PTBP3: variants seen among roughly 807,000 people sequenced by gnomAD.
PTBP3 encodes the protein polypyrimidine tract binding protein 3.
A neutral mutation model predicts 58.7 loss-of-function variants in PTBP3; 20 were observed. The observed-to-expected ratio is 0.34, with a 90% CI of 0.24 to 0.50. The LOEUF is 0.50. PTBP3 is among the 20% of genes least tolerant of loss of function. The pLI, the probability that PTBP3 is intolerant of heterozygous loss-of-function variation, is 0.98. For synonymous variants in PTBP3, 185 were observed against 219.8 expected, an observed-to-expected ratio of 0.84 and a Z score of 1.40; for missense variants, 509 against 637.2, an observed-to-expected ratio of 0.80 and a Z score of 2.17.
At chr9:112,235,676 T>A (rs1835412850) in intron 7 of PTBP3, among the ~76,000 whole-genome samples, 2 of 152,136 alleles carry the variant, frequency 1.3e-5, no homozygotes, top group African/African-American at 4.8e-5. Flanking sequence ...CAGATTATTG[T>A]AAGTAAACAC....
chr9:112,323,946 T>TA (rs986376005), intron 1 of PTBP3, among the ~76,000 whole-genome samples: 27 of 151,884 alleles, frequency 1.8e-4, no homozygotes, highest in Middle Eastern at 6.8e-3. Flanking sequence ...GGATAAACAC[T>TA]AAAAAATCCA....
At chr9:112,361,505 C>A in the PTBP3 span, among the ~76,000 whole-genome samples, 1 of 152,108 alleles carries the variant, frequency 6.6e-6, no homozygotes, top group Non-Finnish European at 1.5e-5. Context: ...AGTATCATAT[C>A]CTGTTTTAAT....
At chr9:112,279,690 A>G (rs541268314) in intron 2 of PTBP3, among the ~76,000 whole-genome samples, 22 of 151,990 alleles carry the variant, frequency 1.4e-4, no homozygotes, top group African/African-American at 5.3e-4. Context: ...AGATTACTAC[A>G]GCTTTATCAC....
chr9:112,252,767 C>G lies in PTBP3; in HGVS notation c.538G>C (p.Val180Leu), dbSNP rs750469639. The G allele has an allele frequency of 1.2e-6, 2 of 1,608,390 alleles. No homozygotes were observed. The highest frequency in any genetic ancestry group is 2.7e-5 in the African/African-American group (2 of 74,788). Residue 180 changes from valine (V) to leucine (L), a missense_variant, in exon 6 of 14, where the codon GTC becomes CTC. Physicochemically the swap from Val to Leu is conservative, Grantham distance 32. This residue lies in a region of PTBP3 where 212 missense variants were observed against 215.3 expected (regional missense o/e 0.98). Coordinates refer to ENST00000374257, the MANE Select transcript of PTBP3 (RefSeq NM_001163788.4). The stretch of plus-strand genomic sequence containing the variant: ...TTTGTAAAGGTGATAATCTTCAAGA[C>G]TGTGCCAAATTTAGAAAATATCTGG... ...LHQIFSKFGT[V>L]LKIITFTKNN...
At chr9:112,335,683 G>A (rs1830572355), upstream of PTBP3, among the ~76,000 whole-genome samples, 1 of 143,542 alleles carries the variant, frequency 7.0e-6, no homozygotes. Context: ...AGCACTTTGG[G>A]AGGCCGAGGC....
chr9:112,305,096 G>A (rs1829118025), intron 1 of PTBP3, among the ~76,000 whole-genome samples: 2 of 152,034 alleles, frequency 1.3e-5, no homozygotes, highest in African/African-American at 4.8e-5. Context: ...TATTTTTACA[G>A]GAGTTTTTCA....
At chr9:112,366,491 G>GA in the PTBP3 span, among the ~76,000 whole-genome samples, 1 of 152,100 alleles carries the variant, frequency 6.6e-6, no homozygotes, top group Non-Finnish European at 1.5e-5. Context: ...AGCCATGGAT[G>GA]AAAGGGGCCA....
intron 1 of PTBP3, among the ~76,000 whole-genome samples, chr9:112,310,704 A>G (rs1332207449): frequency 6.6e-6 from 1 of 152,250 alleles, no homozygotes; most frequent in African/African-American, 2.4e-5. Context: ...CTTAAAAAGT[A>G]GGAGAAAAAG....
chr9:112,334,819 C>T (rs1830536691), upstream of PTBP3, among the ~76,000 whole-genome samples: 1 of 152,222 alleles, frequency 6.6e-6, no homozygotes, highest in Non-Finnish European at 1.5e-5. Flanking sequence ...CCAGCCGTCA[C>T]TGTTGAATGG....
At chr9:112,320,291 A>AAAAAAAAATATATATATATATAT (rs1411646280) in intron 1 of PTBP3, among the ~76,000 whole-genome samples, 2 of 73,566 alleles carry the variant, frequency 2.7e-5, no homozygotes, top group African/African-American at 1.8e-4. Context: ...AAAAAAAAAA[A>AAAAAAAAATATATATATATATAT]ATATATATAT....
rs1554799467 is a variant in PTBP3, at chr9:112,290,711, C to CACACACAT, written c.34+7120_34+7121insATGTGTGT. 3.0e-4 allele frequency among the ~76,000 whole-genome samples: 42 copies of CACACACAT among 141,066 alleles called. 1 individual carries two copies. The highest frequency in any genetic ancestry group is 1.4e-4 in the Admixed American group (2 of 14,322). The allele number at this position is 141,066 out of a possible 152,430, so 92.5% of individuals were successfully genotyped here. On this transcript the variant is annotated intron_variant, in intron 2 of 13. Transcript: ENST00000374257. ...AAATATATATATATATATATATACA[C>CACACACAT]ACACACACACACACACACACACACA... is the stretch of plus-strand genomic sequence containing the variant.
At chr9:112,289,685 G>A (rs962039774) in intron 2 of PTBP3, among the ~76,000 whole-genome samples, 1 of 152,106 alleles carries the variant, frequency 6.6e-6, no homozygotes, top group African/African-American at 2.4e-5. Context: ...GAGAGGCTGG[G>A]GTGGGAGGAT....
rs370144435 is a variant in PTBP3 at position 112,231,214 on chromosome 9, AC to A, written c.1054+165del. On this transcript the variant is annotated intron_variant, in intron 10 of 13. Transcript: ENST00000374257. ...CCTTTACAAAACCTATATTTCCCAT[AC>A]TATAAATCATCACTGTAATTACTTA... Among the ~76,000 whole-genome samples, 1,350 of 150,486 alleles carry A rather than the reference AC, an allele frequency of 9.0e-3. 30 individuals carry two copies. Among genetic ancestry groups the A allele is most frequent in the Middle Eastern group, 0.038 (11 of 292 alleles).
chr9:112,252,308 G>C lies in PTBP3; in HGVS notation c.627+370C>G, dbSNP rs539875483. 3 of 249,714 alleles carry C rather than the reference G, an allele frequency of 1.2e-5. No homozygotes were observed. The Admixed American group carries it at 1.6e-4, about 13-fold the overall frequency. The allele number at this position is 249,714 out of a possible 1,614,324, so 15.5% of individuals were successfully genotyped here. On this transcript the variant is annotated intron_variant, in intron 6 of 13. Coordinates refer to ENST00000374257, the MANE Select transcript of PTBP3 (RefSeq NM_001163788.4). The stretch of plus-strand genomic sequence containing the variant: ...CACCTGATCTCATCTGATCTCAGAA[G>C]TTAAGCAGGGTCGGGCCTGGTTAGT...
rs182370305 is a variant in PTBP3 at position 112,326,610 on chromosome 9, T to C, written c.-52+6860A>G. ...CATATATGTGAGTTTTTCATACTCA[T>C]CTACTCACTTAAAATAGGAAAACCC... is the stretch of plus-strand genomic sequence containing the variant. On this transcript the variant is annotated intron_variant, in intron 1 of 13. Coordinates refer to ENST00000374257, the MANE Select transcript of PTBP3 (RefSeq NM_001163788.4). Among the ~76,000 whole-genome samples, 37 of 152,368 alleles carry C rather than the reference T, an allele frequency of 2.4e-4. No homozygotes were observed. In the East Asian group the frequency reaches 6.4e-3, roughly 26 times the overall value.
the PTBP3 span, among the ~76,000 whole-genome samples, chr9:112,372,742 C>T: frequency 6.6e-6 from 1 of 152,148 alleles, no homozygotes; most frequent in African/African-American, 2.4e-5. Flanking sequence ...TGTATCAGTA[C>T]TTCATTCCTT....
At position 112,222,239 on chromosome 9, in the gene PTBP3, G is replaced by T. The variant is rs72750040; in HGVS notation, c.*1612C>A. ...CTGATCAACAATTGAAGAAATAATA[G>T]CAAAGTTTCTTATTAAAAAGAAACA... On this transcript the variant is annotated 3_prime_UTR_variant, in exon 14 of 14. Transcript: ENST00000374257. The T allele has an allele frequency of 3.7e-3, 3,610 of 975,600 alleles. 10 individuals are homozygous for T. Among genetic ancestry groups the T allele is most frequent in the Non-Finnish European group, 4.1e-3 (3,383 of 820,732 alleles). The allele number at this position is 975,600 out of a possible 1,614,324, so 60.4% of individuals were successfully genotyped here.
At chr9:112,363,561 A>ACACACACACACACAC in the PTBP3 span, among the ~76,000 whole-genome samples, 4 of 77,400 alleles carry the variant, frequency 5.2e-5, no homozygotes, top group Admixed American at 2.9e-4. Flanking sequence ...CACACACACA[A>ACACACACACACACAC]AGGCTATTCT....
intron 7 of PTBP3, among the ~76,000 whole-genome samples, chr9:112,238,260 A>G (rs1299940386): frequency 6.6e-6 from 1 of 152,198 alleles, no homozygotes; most frequent in African/African-American, 2.4e-5. Context: ...ACTTTTTAAA[A>G]ATGAACCAAA....
Sources: allele counts gnomAD v4.1 joint callset (sites outside exome capture counted in the v4.1 genomes callset), GRCh38; gene constraint gnomAD v4.1.1; regional missense constraint gnomAD v4.1.1; transcripts MANE v1.5; gene names NCBI Gene and HGNC (gene_info 2026-07-23, HGNC 2026-07-21).